Variants in CNMD observed in about 807,000 individuals in gnomAD.
CNMD encodes the protein leukocyte cell-derived chemotaxin 1.
A neutral mutation model predicts 37.5 loss-of-function variants in CNMD; 30 were observed. The observed-to-expected ratio is 0.80, with a 90% CI of 0.60 to 1.09. The LOEUF (loss-of-function observed/expected upper bound fraction) is 1.09. CNMD is among the 50% of genes least tolerant of loss of function. The pLI is 0.00. For missense variants in CNMD, 398 were observed against 423.9 expected (o/e 0.94, Z 0.54); for synonymous variants, 167 against 148.2 (o/e 1.13, Z -0.92).
chr13:52,738,811 T>C (rs1964821176), intron 2 of CNMD, among the ~76,000 whole-genome samples: 2 of 152,202 alleles, frequency 1.3e-5, no homozygotes, highest in Admixed American at 1.3e-4. Flanking sequence ...TCTCCCCTAC[T>C]CTACGCTTCA....
intron 5 of CNMD, among the ~76,000 whole-genome samples, chr13:52,708,949 GACAA>G (rs1410957179): frequency 6.6e-6 from 1 of 152,160 alleles, no homozygotes; most frequent in Non-Finnish European, 1.5e-5. Flanking sequence ...AAGATGGCCT[GACAA>G]ACCTCAAGAC....
At chr13:52,724,294 C>A (rs1964534102) in intron 3 of CNMD, among the ~76,000 whole-genome samples, 184 bp from the exon 4 acceptor site, 1 of 151,890 alleles carries the variant, frequency 6.6e-6, no homozygotes, top group Non-Finnish European at 1.5e-5. Context: ...AGCCGGGCGG[C>A]CTGGCGCGGT....
At chr13:52,737,095 C>G (rs73188579) in intron 2 of CNMD, among the ~76,000 whole-genome samples, 20,972 of 152,000 alleles carry the variant, frequency 0.14, 1,538 homozygotes, top group East Asian at 0.3. Context: ...ATAGAGGAGC[C>G]GAGGCACAGA....
At position 52,714,634 on chromosome 13, in the gene CNMD, T is replaced by A. The variant is rs538244173; in HGVS notation, c.469-1765A>T. Among the ~76,000 whole-genome samples, 4 of 152,298 alleles carry A rather than the reference T, an allele frequency of 2.6e-5. No individual in the cohort carries two copies. In the South Asian group the frequency reaches 8.3e-4, roughly 32 times the overall value. On this transcript the variant is annotated intron_variant, in intron 4 of 6. Coordinates refer to ENST00000377962, the MANE Select transcript of CNMD (RefSeq NM_007015.3). ...TGAAAAATTGAAGATACCTGAAGTG[T>A]TTAAGAATAAAAGACTTTTAAAATT...
chr13:52,717,941 G>T (rs1964417324), intron 4 of CNMD, among the ~76,000 whole-genome samples: 1 of 152,236 alleles, frequency 6.6e-6, no homozygotes, highest in Admixed American at 6.5e-5. Flanking sequence ...TTGTACCTCT[G>T]GTAGAATTTG....
intron 2 of CNMD, 54 bp downstream of exon 2, chr13:52,738,977 C>A (rs113584845): frequency 3.5e-5 from 52 of 1,490,868 alleles, no homozygotes; most frequent in Non-Finnish European, 3.5e-5. Context: ...CGGGCTCCCC[C>A]TAGGGGCACC....
chr13:52,704,586 T>C (rs1964144299), intron 6 of CNMD, among the ~76,000 whole-genome samples: 1 of 152,188 alleles, frequency 6.6e-6, no homozygotes, highest in South Asian at 2.1e-4. Context: ...GTTTTCCTTT[T>C]TGGGGACTTG....
At chr13:52,724,330 T>G (rs184412783) in intron 3 of CNMD, among the ~76,000 whole-genome samples, 180 of 148,698 alleles carry the variant, frequency 1.2e-3, no homozygotes, top group African/African-American at 4.4e-3. Flanking sequence ...TCCCAGCACT[T>G]TGGGAGGCCA....
chr13:52,719,634 G>C (rs1462671846), intron 4 of CNMD, among the ~76,000 whole-genome samples: 1 of 152,094 alleles, frequency 6.6e-6, no homozygotes, highest in African/African-American at 2.4e-5. Context: ...TTCTTTTCTT[G>C]AAGAGGTTGA....
intron 3 of CNMD, among the ~76,000 whole-genome samples, chr13:52,727,196 G>A (rs1964589387): frequency 6.6e-6 from 1 of 152,170 alleles, no homozygotes; most frequent in Admixed American, 6.5e-5. Flanking sequence ...TTGAACTCAG[G>A]AGGTGGATGT....
intron 3 of CNMD, among the ~76,000 whole-genome samples, chr13:52,728,358 C>T (rs1336319648): frequency 1.6e-5 from 2 of 124,804 alleles, no homozygotes; most frequent in South Asian, 3.0e-4. Flanking sequence ...AGCCTGGCGA[C>T]AGAGCGAGAC....
chr13:52,731,481 CA>C (rs1336730544), intron 3 of CNMD, among the ~76,000 whole-genome samples: 1 of 151,906 alleles, frequency 6.6e-6, no homozygotes, highest in African/African-American at 2.4e-5. Context: ...AGGTTCTATC[CA>C]TCAAAAAAAA....
At chr13:52,716,951 T>A (rs150685477) in intron 4 of CNMD, among the ~76,000 whole-genome samples, 1 of 152,354 alleles carries the variant, frequency 6.6e-6, no homozygotes, top group East Asian at 1.9e-4. Context: ...TATGGCCATT[T>A]TCACGACATT....
chr13:52,713,831 G>A (rs1964328370), intron 4 of CNMD, among the ~76,000 whole-genome samples: 1 of 152,188 alleles, frequency 6.6e-6, no homozygotes, highest in Admixed American at 6.5e-5. Flanking sequence ...GGGGAAGAGT[G>A]GGGTGATTGG....
intron 4 of CNMD, among the ~76,000 whole-genome samples, chr13:52,718,958 T>G (rs1342431846): frequency 6.6e-6 from 1 of 152,072 alleles, no homozygotes; most frequent in Non-Finnish European, 1.5e-5. Flanking sequence ...TATGTGGGAG[T>G]CTAAGTCTCT....
chr13:52,731,211 T>C (rs1009544419), intron 3 of CNMD, among the ~76,000 whole-genome samples: 2 of 152,190 alleles, frequency 1.3e-5, no homozygotes, highest in Non-Finnish European at 2.9e-5. Context: ...CATAACTCAT[T>C]GGAACACGTT....
rs796244459 is a variant in CNMD at position 52,715,228 on chromosome 13, T to A, written c.469-2359A>T. The stretch of plus-strand genomic sequence containing the variant: ...GTGCTAGCAAATACTAGGTCTTATT[T>A]AGTTTTTCTATTTTTTATTCTTTAT... On this transcript the variant is annotated intron_variant, in intron 4 of 6. Transcript: ENST00000377962. Among the ~76,000 whole-genome samples the A allele has an allele frequency of 6.6e-5, 10 of 152,298 alleles. No individual in the cohort carries two copies. The South Asian group carries it at 2.1e-3, about 32-fold the overall frequency.
At chr13:52,728,642 C>G (rs369622687) in intron 3 of CNMD, among the ~76,000 whole-genome samples, 13 of 152,216 alleles carry the variant, frequency 8.5e-5, no homozygotes, top group African/African-American at 3.1e-4. Context: ...GGAGATGATG[C>G]CTTCTTATGT....
chr13:52,703,784 G>A lies in CNMD; in HGVS notation c.816C>T (p.Phe272=), dbSNP rs756189059. The A allele has an allele frequency of 1.9e-6, 3 of 1,612,652 alleles. No homozygotes were observed. In the South Asian group the frequency reaches 3.3e-5, roughly 18 times the overall value. ...YHQQEGESMT[F]DPRLDHEGIC... ...TTCCTTCGTGATCCAGTCTAGGGTC[G>A]AATGTCATGCTTTCCCCTTCCTGCT... The change falls in exon 7 of 7, where the codon TTC becomes TTT. Residue 272 remains phenylalanine, a synonymous_variant. Coordinates refer to ENST00000377962, the MANE Select transcript of CNMD (RefSeq NM_007015.3).
Sources: gnomAD v4.1 joint callset for allele counts (sites outside exome capture counted in the v4.1 genomes callset) on GRCh38, gnomAD v4.1.1 for gene constraint, MANE v1.5 for transcripts, NCBI Gene and HGNC (gene_info 2026-07-23, HGNC 2026-07-21) for gene names.